Variants in UNC5D observed in about 807,000 individuals in gnomAD.
The protein encoded by UNC5D is netrin receptor UNC5D.
A neutral mutation model predicts 105.4 loss-of-function variants in UNC5D; 39 were observed. That is an observed-to-expected ratio of 0.37 (90% CI 0.29 to 0.48). The LOEUF is 0.48. Ranked by LOEUF, UNC5D falls within the 20% of genes least tolerant of loss-of-function variation. The pLI is 0.98. For synonymous variants in UNC5D, 452 were observed against 450.4 expected (o/e 1.00, Z -0.04); for missense variants, 991 against 1,202.4 (o/e 0.82, Z 2.60).
At chr8:35,338,795 T>C (rs2128899974) in intron 1 of UNC5D, among the ~76,000 whole-genome samples, 1 of 152,286 alleles carries the variant, frequency 6.6e-6, no homozygotes, top group African/African-American at 2.4e-5. Context: ...GCACAAGCCC[T>C]GATTTGCCTT....
chr8:35,710,178 T>C (rs1197413621), intron 8 of UNC5D, among the ~76,000 whole-genome samples: 2 of 152,222 alleles, frequency 1.3e-5, no homozygotes, highest in Non-Finnish European at 2.9e-5. Flanking sequence ...CCTAGGCTCT[T>C]AATCTAGCTC....
intron 1 of UNC5D, among the ~76,000 whole-genome samples, chr8:35,452,904 ATTAG>A (rs1185102658): frequency 6.6e-6 from 1 of 152,158 alleles, no homozygotes; most frequent in Admixed American, 6.6e-5. Context: ...TTCAGGAGGC[ATTAG>A]TTTACTTTGA....
chr8:35,482,229 A>T (rs906645319), intron 1 of UNC5D, among the ~76,000 whole-genome samples: 1 of 152,162 alleles, frequency 6.6e-6, no homozygotes, highest in Non-Finnish European at 1.5e-5. Flanking sequence ...TCGTTCCCTT[A>T]TGGATGGATT....
intron 1 of UNC5D, among the ~76,000 whole-genome samples, chr8:35,369,712 A>C (rs1366020074): frequency 6.6e-6 from 1 of 152,108 alleles, no homozygotes; most frequent in Admixed American, 6.6e-5. Flanking sequence ...CTGTGGAATG[A>C]TCTATAGATA....
chr8:35,538,829 T>G (rs185396500), intron 1 of UNC5D, among the ~76,000 whole-genome samples: 2 of 152,156 alleles, frequency 1.3e-5, no homozygotes, highest in East Asian at 3.9e-4. Flanking sequence ...CAAAAAACAG[T>G]CTTGGGGCCA....
At position 35,767,006 on chromosome 8, in the gene UNC5D, C is replaced by G. The variant is rs1344747609; in HGVS notation, c.2418C>G (p.Ile806Met). The part of the protein sequence containing the change: ...TPTTTQLSCK[I>M]CIRQLKGHEQ... ...CTACCACCCAGCTGTCCTGCAAAAT[C>G]TGCATTCGGCAGCTCAAAGGCCATG... is the stretch of plus-strand genomic sequence containing the variant. Residue 806 changes from isoleucine to methionine, a missense_variant, in exon 15 of 17, where the codon ATC (isoleucine) becomes ATG (methionine). Transcript: ENST00000404895. 1 of 1,614,086 alleles carries G rather than the reference C, an allele frequency of 6.2e-7. No homozygotes were observed.
intron 4 of UNC5D, among the ~76,000 whole-genome samples, chr8:35,673,767 A>G (rs1824999790): frequency 6.6e-6 from 1 of 152,192 alleles, no homozygotes; most frequent in Admixed American, 6.5e-5. Context: ...CAGTCACAAG[A>G]ACAGGAATAC....
intron 3 of UNC5D, among the ~76,000 whole-genome samples, chr8:35,582,795 A>T (rs1818544528): frequency 6.6e-6 from 1 of 152,088 alleles, no homozygotes; most frequent in African/African-American, 2.4e-5. Context: ...TTGAAAGCTT[A>T]AGGTTATTTT....
chr8:35,477,798 A>T (rs1810217071), intron 1 of UNC5D, among the ~76,000 whole-genome samples: 1 of 152,158 alleles, frequency 6.6e-6, no homozygotes, highest in Non-Finnish European at 1.5e-5. Flanking sequence ...TATAAAAAAA[A>T]TATGTAGAAT....
At chr8:35,528,731 T>C (rs1279349026) in intron 1 of UNC5D, among the ~76,000 whole-genome samples, 4 of 147,350 alleles carry the variant, frequency 2.7e-5, no homozygotes, top group African/African-American at 5.0e-5. Flanking sequence ...TTTTTAATGA[T>C]TGCCATTCTA....
intron 13 of UNC5D, among the ~76,000 whole-genome samples, chr8:35,755,922 A>G (rs1830499301): frequency 6.6e-6 from 1 of 152,216 alleles, no homozygotes; most frequent in Admixed American, 6.5e-5. Flanking sequence ...CTAGCTAAGC[A>G]GAGTTGTCCA....
chr8:35,652,035 C>G (rs1344872573), intron 4 of UNC5D, among the ~76,000 whole-genome samples: 1 of 152,144 alleles, frequency 6.6e-6, no homozygotes, highest in African/African-American at 2.4e-5. Context: ...TAAGCCAAAT[C>G]TCAGAGTTTG....
At chr8:35,370,059 T>C (rs1270557375) in intron 1 of UNC5D, among the ~76,000 whole-genome samples, 2 of 152,214 alleles carry the variant, frequency 1.3e-5, no homozygotes, top group African/African-American at 4.8e-5. Context: ...AAGTTGGTGA[T>C]AGACTTTTTA....
chr8:35,359,960 G>C (rs10503976), intron 1 of UNC5D, among the ~76,000 whole-genome samples: 3,843 of 152,296 alleles, frequency 0.025, 162 homozygotes, highest in African/African-American at 0.086. Context: ...CTCAGGTATA[G>C]ATGCTTTTTA....
At chr8:35,458,152 A>C (rs1286905548) in intron 1 of UNC5D, among the ~76,000 whole-genome samples, 1 of 152,150 alleles carries the variant, frequency 6.6e-6, no homozygotes, top group Non-Finnish European at 1.5e-5. Flanking sequence ...TCGGAACAGA[A>C]TGTTAGAGCA....
intron 1 of UNC5D, chr8:35,254,492 G>A (rs1484170654): frequency 6.6e-6 from 1 of 152,128 alleles, no homozygotes; most frequent in Non-Finnish European, 1.5e-5. Context: ...TGCTAGAAAA[G>A]TTGAAGAGAC....
intron 8 of UNC5D, among the ~76,000 whole-genome samples, chr8:35,715,142 ACT>A (rs1828183949): frequency 6.6e-6 from 1 of 152,200 alleles, no homozygotes; most frequent in Non-Finnish European, 1.5e-5. Context: ...CAAGAGCAAA[ACT>A]CTGTCTCAAA....
At chr8:35,527,123 T>TC (rs1813938167) in intron 1 of UNC5D, among the ~76,000 whole-genome samples, 1 of 152,210 alleles carries the variant, frequency 6.6e-6, no homozygotes, top group Non-Finnish European at 1.5e-5. Flanking sequence ...TGGTTATTTT[T>TC]TTTTTTTCTC....
At chr8:35,744,922 A>G (rs946977941) in intron 11 of UNC5D, among the ~76,000 whole-genome samples, 4 of 152,152 alleles carry the variant, frequency 2.6e-5, no homozygotes, top group Admixed American at 2.0e-4. Flanking sequence ...GCATGGTAGT[A>G]TGTGCCTATA....
Sources: gnomAD v4.1 joint callset for allele counts (sites outside exome capture counted in the v4.1 genomes callset) on GRCh38, gnomAD v4.1.1 for gene constraint, MANE v1.5 for transcripts, NCBI Gene and HGNC (gene_info 2026-07-23, HGNC 2026-07-21) for gene names.